The following MED24 variants were observed in gnomAD, a reference collection of about 807,000 sequenced individuals.
MED24 encodes the protein mediator complex subunit 24.
In MED24, 74 loss-of-function variants were observed where a neutral mutation model predicts 118.8. The ratio of observed to expected loss-of-function variants is 0.62; its 90% CI spans 0.52 to 0.76. The LOEUF is 0.76. MED24 is among the 30% of genes least tolerant of loss of function. The pLI is 0.00. For missense variants in MED24, 1,041 were observed against 1,278.9 expected (o/e 0.81, Z 2.84); for synonymous variants, 521 against 523.9 (o/e 0.99, Z 0.08).
At chr17:40,025,796 G>A (rs1982572373) in intron 19 of MED24, among the ~76,000 whole-genome samples, 4 of 152,204 alleles carry the variant, frequency 2.6e-5, no homozygotes. Context: ...ACTGTCCTAA[G>A]AGGTAACTGA....
rs1421422685 is a variant in MED24 at position 40,035,761 on chromosome 17, G to A, written c.287C>T (p.Ala96Val). The A allele has an allele frequency of 5.6e-6, 9 of 1,614,000 alleles. No homozygotes were observed. The East Asian group carries it at 2.0e-4, about 36-fold the overall frequency. ...AAACATGTCCATGATGTCCAGCAAT[G>A]CCTGGACACACAGGTCCCGAGAAAA... is the stretch of plus-strand genomic sequence containing the variant. ...DDFSRDLCVQALLDIMDMFCD... is the reference protein window; with the variant it reads ...DDFSRDLCVQVLLDIMDMFCD... The change falls in exon 5 of 26, where the codon GCA becomes GTA. Residue 96 changes from alanine (A) to valine (V), a missense_variant. By Grantham distance (64) the Ala-to-Val change is moderately conservative. Around this residue, in one of 3 missense-constraint regions of MED24, gnomAD observed 434 missense variants for 514.9 expected, o/e 0.84. Transcript: ENST00000394128.
chr17:40,035,148 G>T lies in MED24; in HGVS notation c.528C>A (p.Ala176=), dbSNP rs200460297. The T allele has an allele frequency of 6.2e-7, 1 of 1,614,128 alleles. No individual in the cohort carries two copies. The highest frequency in any genetic ancestry group is 8.5e-7 in the Non-Finnish European group (1 of 1,180,018). ...EKTLSSTKNR[A]LLHIAKLEEA... is the part of the protein sequence containing the mutation. The stretch of plus-strand genomic sequence containing the variant: ...CCTCTAGTTTGGCGATGTGCAGCAG[G>T]GCCCGGTTCTTGGTGCTGCTGAGGG... Residue 176 remains alanine, a synonymous_variant, in exon 6 of 26, where the codon GCC becomes GCA. Coordinates refer to ENST00000394128, the MANE Select transcript of MED24 (RefSeq NM_014815.4).
At chr17:40,045,999 G>C (rs1296938763) in intron 3 of MED24, among the ~76,000 whole-genome samples, 1 of 151,650 alleles carries the variant, frequency 6.6e-6, no homozygotes, top group Non-Finnish European at 1.5e-5. Flanking sequence ...GGATGGTCTC[G>C]GTCTCCTGAC....
chr17:40,031,922 A>T, intron 10 of MED24, 121 bp downstream of exon 10: 1 of 1,140,550 alleles, frequency 8.8e-7, no homozygotes, highest in Non-Finnish European at 1.3e-6. Context: ...GTGCACGCTG[A>T]GGTGTACACT....
intron 3 of MED24, among the ~76,000 whole-genome samples, chr17:40,050,128 G>C (rs527947040): frequency 1.4e-5 from 2 of 147,990 alleles, no homozygotes; most frequent in South Asian, 4.5e-4. Context: ...TCCAGCCTGG[G>C]GGACAAGAGT....
rs1983434311 is a variant in MED24 at position 40,031,918 on chromosome 17, G to A, written c.984+125C>T. On this transcript the variant is annotated intron_variant, in intron 10 of 25. Transcript: ENST00000394128. ...CATGCACATTGTGAAGCACGTGCAC[G>A]CTGAGGTGTACACTCACATCCGGCT... 6.3e-6 allele frequency: 7 copies of A among 1,118,850 alleles called. No individual in the cohort carries two copies. In the Admixed American group the frequency reaches 6.6e-5, roughly 11 times the overall value. 69.3% of individuals were successfully genotyped at this position (1,118,850 alleles called of 1,614,324 possible).
intron 8 of MED24, 77 bp from the exon 9 acceptor site, chr17:40,032,839 C>T: frequency 6.9e-7 from 1 of 1,443,700 alleles, no homozygotes; most frequent in Non-Finnish European, 9.7e-7. Flanking sequence ...GAGGATTTGG[C>T]TGGGTCAGAG....
chr17:40,039,371 C>T (rs1568169668), intron 3 of MED24, among the ~76,000 whole-genome samples: 1 of 152,200 alleles, frequency 6.6e-6, no homozygotes, highest in Non-Finnish European at 1.5e-5. Flanking sequence ...TGTGTGGCCA[C>T]CATGCTTGTG....
intron 20 of MED24, 29 bp from the exon 21 acceptor site, chr17:40,022,855 G>A (rs1235485747): frequency 1.2e-6 from 2 of 1,607,824 alleles, no homozygotes; most frequent in South Asian, 1.1e-5. Flanking sequence ...GGCAGTTCAG[G>A]AGCCAGGGGC....
chr17:40,032,556 G>T, intron 9 of MED24, 93 bp downstream of exon 9: 1 of 958,502 alleles, frequency 1.0e-6, no homozygotes, highest in Non-Finnish European at 1.6e-6. Context: ...CCCAGTGCCC[G>T]CAGGGAGGAA....
chr17:40,046,087 A>G (rs1029156843), intron 3 of MED24, among the ~76,000 whole-genome samples: 1 of 123,824 alleles, frequency 8.1e-6, no homozygotes, highest in Non-Finnish European at 1.7e-5. Flanking sequence ...TCTAAAAAAA[A>G]TTTTTTTTTT....
At position 40,026,332 on chromosome 17, in the gene MED24, C is replaced by G. The variant is rs772451402; in HGVS notation, c.1810-1G>C. 2 of 1,611,994 alleles carry G rather than the reference C, an allele frequency of 1.2e-6. No homozygotes were observed. The highest frequency in any genetic ancestry group is 2.7e-5 in the African/African-American group (2 of 74,920). The stretch of plus-strand genomic sequence containing the variant: ...TCCCTTTGATGTTATCAGTGATTTT[C>G]TAGGGGAGACGGAAAGGTGATGGGC... On this transcript the variant is annotated splice_acceptor_variant, in intron 18 of 25. Transcript: ENST00000394128. LOFTEE classifies it high-confidence loss of function.
rs773097853 is a variant in MED24 at position 40,022,033 on chromosome 17, G to A, written c.2545C>T (p.Leu849=). Residue 849 remains leucine (L), a synonymous_variant, in exon 23 of 26, where the codon CTG becomes TTG. Coordinates refer to ENST00000394128, the MANE Select transcript of MED24 (RefSeq NM_014815.4). ...DIEDYISLFP[L]DDVQPSKLMR... is the part of the protein sequence containing the mutation. ...AACTTCGAAGGCTGCACATCGTCCA[G>A]GGGGAAGAGGCTGATATAATCCTAG... 6.8e-6 allele frequency: 11 copies of A among 1,610,294 alleles called. No homozygotes were observed. The highest frequency in any genetic ancestry group is 4.0e-5 in the African/African-American group (3 of 74,810).
At chr17:40,027,784 C>G in intron 15 of MED24, 125 bp downstream of exon 15, 1 of 1,079,704 alleles carries the variant, frequency 9.3e-7, no homozygotes, top group East Asian at 2.4e-5. Flanking sequence ...TTCCATTGGT[C>G]ATGGCTCTGA....
intron 3 of MED24, among the ~76,000 whole-genome samples, chr17:40,040,624 CT>C (rs574991562): frequency 7.3e-4 from 103 of 142,028 alleles, no homozygotes; most frequent in Middle Eastern, 3.5e-3. Context: ...ATTTTATTTT[CT>C]TTTTTTTTTT....
In MED24 at chr17:40,019,737, G is replaced by T. The variant is rs544253342; in HGVS notation, c.2853+48C>A. 2.8e-5 allele frequency: 45 copies of T among 1,602,890 alleles called. No homozygotes were observed. In the East Asian group the frequency reaches 9.6e-4, roughly 34 times the overall value. On this transcript the variant is annotated intron_variant, in intron 25 of 25. Coordinates refer to ENST00000394128, the MANE Select transcript of MED24 (RefSeq NM_014815.4). ...GAGGCCCCTCCCTGCTCTAAGGGCT[G>T]CCCCGAGGCCCCAGCACCAGCAGGA...
chr17:40,035,591 G>A (rs2144922622), intron 5 of MED24, 131 bp downstream of exon 5: 6 of 1,005,288 alleles, frequency 6.0e-6, no homozygotes, highest in Admixed American at 2.3e-5. Flanking sequence ...ACAGGTAAGT[G>A]TAGATGGGCA....
At chr17:40,030,698 G>A (rs1031133890) in intron 12 of MED24, among the ~76,000 whole-genome samples, 9 of 149,352 alleles carry the variant, frequency 6.0e-5, no homozygotes, top group South Asian at 2.1e-4. Context: ...TCACTCTATC[G>A]CCCAGGCTGG....
intron 23 of MED24, chr17:40,020,647 TG>T: frequency 4.7e-6 from 2 of 425,892 alleles, no homozygotes; most frequent in Non-Finnish European, 8.7e-6. Flanking sequence ...ATTAGCTGGG[TG>T]TGGTGCCAAC....
Sources: gnomAD v4.1 joint callset for allele counts (sites outside exome capture counted in the v4.1 genomes callset) on GRCh38, gnomAD v4.1.1 for gene constraint, gnomAD v4.1.1 regional missense constraint, MANE v1.5 for transcripts, NCBI Gene and HGNC (gene_info 2026-07-23, HGNC 2026-07-21) for gene names.